RFX2: variants seen among roughly 807,000 people sequenced by gnomAD.
RFX2 encodes the protein DNA-binding protein RFX2.
A neutral mutation model predicts 87.8 loss-of-function variants in RFX2; 20 were observed. The observed-to-expected ratio is 0.23, with a 90% confidence interval of 0.16 to 0.33. RFX2 has a LOEUF of 0.33. Ranked by LOEUF, RFX2 falls within the 10% of genes least tolerant of loss-of-function variation. The probability of loss-of-function intolerance (pLI) is 1.00; values close to 1 mark genes in which losing one functional copy is unlikely to be tolerated. For synonymous variants in RFX2, 397 were observed against 431.3 expected, an observed-to-expected ratio of 0.92 and a Z score of 0.98; for missense variants, 767 against 1,012.3, an observed-to-expected ratio of 0.76 and a Z score of 3.29.
rs544083601 is a variant in RFX2 at position 6,048,026 on chromosome 19, G to A, written c.-8-522C>T. Among the ~76,000 whole-genome samples the A allele has an allele frequency of 7.2e-5, 11 of 152,318 alleles. No individual in the cohort carries two copies. In the South Asian group the frequency reaches 2.1e-3, roughly 29 times the overall value. The stretch of plus-strand genomic sequence containing the variant: ...TCTGGGCACGGCAGGGTGCTGAGCA[G>A]CACCCCTGGCCTCCACCCATTCCAT... On this transcript the variant is annotated intron_variant, in intron 1 of 17. Coordinates refer to ENST00000303657, the MANE Select transcript of RFX2 (RefSeq NM_000635.4).
chr19:6,047,918 C>T lies in RFX2; in HGVS notation c.-8-414G>A, dbSNP rs1382913545. 1.3e-5 allele frequency among the ~76,000 whole-genome samples: 2 copies of T among 152,224 alleles called. No homozygotes were observed. The highest frequency in any genetic ancestry group is 2.9e-5 in the Non-Finnish European group (2 of 68,048). ...GAAGCTACTGCACCCCAAACGACAA[C>T]GGGAGAAACTCTAAGGCTGGGTTTC... On this transcript the variant is annotated intron_variant, in intron 1 of 17. Coordinates refer to ENST00000303657, the MANE Select transcript of RFX2 (RefSeq NM_000635.4). The surrounding 1 kb of genome is among the most constrained non-coding windows in gnomAD (Gnocchi z 4.2).
intron 1 of RFX2, among the ~76,000 whole-genome samples, chr19:6,108,741 G>A (rs920324751): frequency 4.6e-5 from 7 of 152,098 alleles, no homozygotes; most frequent in Non-Finnish European, 1.0e-4. Context: ...CCTGGGTCCC[G>A]AGCTCCATCT....
chr19:6,080,246 G>C (rs2087760065), intron 1 of RFX2, among the ~76,000 whole-genome samples: 3 of 151,360 alleles, frequency 2.0e-5, no homozygotes, highest in African/African-American at 7.3e-5. Flanking sequence ...GTGTATGTGA[G>C]AGAGAGACAG....
In RFX2 at chr19:6,056,242, C is replaced by T. The variant is rs188766959; in HGVS notation, c.-8-8738G>A. On this transcript the variant is annotated intron_variant, in intron 1 of 17. Coordinates refer to ENST00000303657, the MANE Select transcript of RFX2 (RefSeq NM_000635.4). The surrounding 1 kb of genome is among the most constrained non-coding windows in gnomAD (Gnocchi z 4.6). ...TGGAGAGGAGGACGGAGAGTGGGTA[C>T]AGGTATCCAGGTGTTATAAGAATGG... 6.6e-6 allele frequency among the ~76,000 whole-genome samples: 1 copy of T among 152,274 alleles called. No homozygotes were observed. Among genetic ancestry groups the T allele is most frequent in the Admixed American group, 6.5e-5 (1 of 15,298 alleles).
In RFX2 at chr19:6,010,244, G is replaced by A. The variant is rs886338976; in HGVS notation, c.907C>T (p.Pro303Ser). The change falls in exon 9 of 18, where the codon CCA (proline) becomes TCA (serine). Residue 303 changes from proline (P) to serine (S), a missense_variant. Around this residue, in one of 2 missense-constraint regions of RFX2, gnomAD observed 621 missense variants for 873.0 expected, o/e 0.71. Transcript: ENST00000303657. This position sits in a 1 kb window ranked among gnomAD's most constrained non-coding sequence, Gnocchi z 5.0. ...QPMHQKPRYR[P>S]AQKTDSLGDS... ...CCGAGGCTGTCCGTCTTCTGGGCTG[G>A]CCGGTACCTAGGCCAGGAACACGCA... 8 of 1,546,308 alleles carry A rather than the reference G, an allele frequency of 5.2e-6. No homozygotes were observed. The Admixed American group carries it at 7.8e-5, about 15-fold the overall frequency.
At chr19:6,015,386 G>A (rs187775244) in intron 7 of RFX2, among the ~76,000 whole-genome samples, 3 of 152,012 alleles carry the variant, frequency 2.0e-5, no homozygotes, top group East Asian at 2.0e-4. Flanking sequence ...CCGAGATGAC[G>A]CCACTGCACT....
chr19:6,015,244 A>G (rs929524697), intron 7 of RFX2, among the ~76,000 whole-genome samples: 3 of 152,034 alleles, frequency 2.0e-5, no homozygotes, highest in Non-Finnish European at 2.9e-5. Context: ...CCTGGCCACC[A>G]TGTCGAAACC....
At chr19:6,084,433 A>C (rs2087827942) in intron 1 of RFX2, among the ~76,000 whole-genome samples, 1 of 152,076 alleles carries the variant, frequency 6.6e-6, no homozygotes, top group African/African-American at 2.4e-5. Flanking sequence ...GCACACTCAC[A>C]CTGTTGTGCA....
rs2086836738 is a variant in RFX2, at chr19:6,022,897, A to T, written c.597+3266T>A. Among the ~76,000 whole-genome samples the T allele has an allele frequency of 6.6e-6, 1 of 152,192 alleles. No homozygotes were observed. Among genetic ancestry groups the T allele is most frequent in the Non-Finnish European group, 1.5e-5 (1 of 68,032 alleles). On this transcript the variant is annotated intron_variant, in intron 6 of 17. Transcript: ENST00000303657. This position sits in a 1 kb window ranked among gnomAD's most constrained non-coding sequence, Gnocchi z 6.2. ...TGCTGTCTCGTTTTACCAGGCTCCC[A>T]GCACCTGAATACACCTTCCCTCCTG...
intron 5 of RFX2, among the ~76,000 whole-genome samples, chr19:6,035,527 G>C (rs530621748): frequency 1.3e-5 from 2 of 152,302 alleles, no homozygotes; most frequent in South Asian, 2.1e-4. Flanking sequence ...TGGTCACCAA[G>C]AGTCTGGAAT....
rs1236418160 is a variant in RFX2 at position 6,026,303 on chromosome 19, G to A, written c.523-66C>T. The A allele has an allele frequency of 3.0e-6, 4 of 1,320,038 alleles. No homozygotes were observed. Among genetic ancestry groups the A allele is most frequent in the Non-Finnish European group, 4.3e-6 (4 of 926,222 alleles). 81.8% of individuals were successfully genotyped at this position (1,320,038 alleles called of 1,614,324 possible). A position where few individuals can be genotyped will look rare whatever the true frequency, so the allele number is the denominator to read the frequency against. ...AAAAAAAAAAAAAGGAAATCAGATG[G>A]TTAGCATCAGCCAAGATTTGTTTTT... is the stretch of plus-strand genomic sequence containing the variant. On this transcript the variant is annotated intron_variant, in intron 5 of 17. Transcript: ENST00000303657. The surrounding 1 kb of genome is among the most constrained non-coding windows in gnomAD (Gnocchi z 4.5).
chr19:6,068,866 G>T (rs10415213), intron 1 of RFX2, among the ~76,000 whole-genome samples: 12,316 of 152,144 alleles, frequency 0.081, 534 homozygotes, highest in Middle Eastern at 0.11. Context: ...GGGGAAGAAG[G>T]AAAAGGGTGG....
chr19:6,053,197 A>G (rs1217630153), intron 1 of RFX2, among the ~76,000 whole-genome samples: 1 of 152,236 alleles, frequency 6.6e-6, no homozygotes. Context: ...ATGAAAAGAC[A>G]TGGAAGAAAT....
chr19:6,045,119 C>T lies in RFX2; in HGVS notation c.91-837G>A, dbSNP rs139747063. Reference sequence around the variant, plus strand: ...TGAATGTCACAGGTAGCAGTGACTGCCATATATACATCACGAGGGGTGATG... The same window carrying T: ...TGAATGTCACAGGTAGCAGTGACTGTCATATATACATCACGAGGGGTGATG... On this transcript the variant is annotated intron_variant, in intron 2 of 17. Transcript: ENST00000303657. This position sits in a 1 kb window ranked among gnomAD's most constrained non-coding sequence, Gnocchi z 5.2. 6.6e-6 allele frequency among the ~76,000 whole-genome samples: 1 copy of T among 152,264 alleles called. No homozygotes were observed. The highest frequency in any genetic ancestry group is 1.5e-5 in the Non-Finnish European group (1 of 68,024).
rs1313025179 is a variant in RFX2 at position 5,999,283 on chromosome 19, G to A, written c.1860-2070C>T. 6.6e-6 allele frequency among the ~76,000 whole-genome samples: 1 copy of A among 152,042 alleles called. No homozygotes were observed. The highest frequency in any genetic ancestry group is 2.4e-5 in the African/African-American group (1 of 41,420). On this transcript the variant is annotated intron_variant, in intron 15 of 17. Transcript: ENST00000303657. This position sits in a 1 kb window ranked among gnomAD's most constrained non-coding sequence, Gnocchi z 4.1. ...AAACAAGCAAACAAGAGAATGAAGT[G>A]GAACAGTGTCTCGGTCTCCCTTGTG...
rs1326568249 is a variant in RFX2, at chr19:6,064,467, T to C, written c.-8-16963A>G. ...GCCTCACCTCACTCACCCTCTCCTG[T>C]CCCAGCTTCAAAATCTTTCAGAGCG... On this transcript the variant is annotated intron_variant, in intron 1 of 17. Coordinates refer to ENST00000303657, the MANE Select transcript of RFX2 (RefSeq NM_000635.4). The surrounding 1 kb of genome is among the most constrained non-coding windows in gnomAD (Gnocchi z 4.8). Among the ~76,000 whole-genome samples, 5 of 152,230 alleles carry C rather than the reference T, an allele frequency of 3.3e-5. No homozygotes were observed. The highest frequency in any genetic ancestry group is 7.3e-5 in the Non-Finnish European group (5 of 68,040).
chr19:6,024,376 A>G lies in RFX2; in HGVS notation c.597+1787T>C, dbSNP rs555957920. On this transcript the variant is annotated intron_variant, in intron 6 of 17. Coordinates refer to ENST00000303657, the MANE Select transcript of RFX2 (RefSeq NM_000635.4). This position sits in a 1 kb window ranked among gnomAD's most constrained non-coding sequence, Gnocchi z 5.0. ...ATCTACAGGGAGGATGTCATCCAGC[A>G]GTGACAGATGACAGGATGACCATGT... Among the ~76,000 whole-genome samples, 4 of 152,342 alleles carry G rather than the reference A, an allele frequency of 2.6e-5. No individual in the cohort carries two copies. The highest frequency in any genetic ancestry group is 9.6e-5 in the African/African-American group (4 of 41,592).
chr19:6,073,021 G>C, intron 1 of RFX2: 1 of 520,276 alleles, frequency 1.9e-6, no homozygotes, highest in Non-Finnish European at 3.5e-6. Context: ...ACTCTGTTGT[G>C]CAGGCTGCAG....
At chr19:6,095,653 T>G (rs1456561214) in intron 1 of RFX2, among the ~76,000 whole-genome samples, 1 of 151,774 alleles carries the variant, frequency 6.6e-6, no homozygotes, top group African/African-American at 2.4e-5. Context: ...GAGACCAAGC[T>G]GGGTGGAGCT....
Sources: gnomAD v4.1 joint callset for allele counts (sites outside exome capture counted in the v4.1 genomes callset) on GRCh38, gnomAD v4.1.1 for gene constraint, gnomAD v4.1.1 regional missense constraint, Gnocchi (gnomAD v3.1) non-coding constraint, MANE v1.5 for transcripts, NCBI Gene and HGNC (gene_info 2026-07-23, HGNC 2026-07-21) for gene names.